The following NKAIN3 variants were observed in gnomAD, a reference collection of about 807,000 sequenced individuals.
NKAIN3 encodes the protein sodium/potassium-transporting ATPase subunit beta-1-interacting protein 3.
In NKAIN3, 25 loss-of-function variants were observed where a neutral mutation model predicts 30.2. The ratio of observed to expected loss-of-function variants is 0.83; its 90% CI spans 0.60 to 1.16. The LOEUF (loss-of-function observed/expected upper bound fraction) is 1.16. Ranked by LOEUF, NKAIN3 falls within the 50% of genes most tolerant of loss-of-function variation. The pLI is 0.00. For missense variants in NKAIN3, 225 were observed against 254.1 expected, an observed-to-expected ratio of 0.89 and a Z score of 0.78; for synonymous variants, 91 against 89.6, an observed-to-expected ratio of 1.02 and a Z score of -0.09.
intron 1 of NKAIN3, among the ~76,000 whole-genome samples, chr8:62,281,488 T>C (rs12681000): frequency 0.5 from 75,828 of 151,986 alleles, 20,868 homozygotes; most frequent in Non-Finnish European, 0.62. Context: ...TTTTAGATCT[T>C]TCCTGCTTTC....
At chr8:62,484,920 C>T (rs1178398377) in intron 1 of NKAIN3, among the ~76,000 whole-genome samples, 1 of 152,186 alleles carries the variant, frequency 6.6e-6, no homozygotes, top group African/African-American at 2.4e-5. Context: ...ATTCACTAGG[C>T]TGTGGACTTA....
chr8:62,894,689 A>G (rs1821382410), intron 4 of NKAIN3, among the ~76,000 whole-genome samples: 2 of 152,192 alleles, frequency 1.3e-5, no homozygotes, highest in Admixed American at 1.3e-4. Flanking sequence ...TTAAGCACAT[A>G]AAAGAGCCCA....
chr8:62,314,613 C>T (rs1338703054), intron 1 of NKAIN3, among the ~76,000 whole-genome samples: 1 of 152,170 alleles, frequency 6.6e-6, no homozygotes, highest in Non-Finnish European at 1.5e-5. Context: ...ACACTTCTCC[C>T]TGCTTGGCAG....
rs755656289 is a variant in NKAIN3 at position 62,746,911 on chromosome 8, T to C, written c.274-21T>C. On this transcript the variant is annotated intron_variant, in intron 3 of 6. Transcript: ENST00000623646. ...GTAATACAATTTCCTCATTTTGCTCTTTTGTCTCCTACCCACCTAGGACAC... is the reference window on the plus strand; with the variant it reads ...GTAATACAATTTCCTCATTTTGCTCCTTTGTCTCCTACCCACCTAGGACAC... 4.5e-6 allele frequency: 7 copies of C among 1,569,750 alleles called. No individual in the cohort carries two copies. The East Asian group carries it at 1.6e-4, about 36-fold the overall frequency.
At chr8:62,908,313 A>G (rs1425872884) in intron 4 of NKAIN3, among the ~76,000 whole-genome samples, 1 of 152,168 alleles carries the variant, frequency 6.6e-6, no homozygotes. Context: ...CATAGGTGGA[A>G]GGGACTTGCT....
intron 5 of NKAIN3, among the ~76,000 whole-genome samples, chr8:62,931,635 C>T (rs937088326): frequency 6.6e-6 from 1 of 152,160 alleles, no homozygotes; most frequent in Non-Finnish European, 1.5e-5. Flanking sequence ...GATTCTATAG[C>T]TTACCACTAA....
intron 4 of NKAIN3, among the ~76,000 whole-genome samples, chr8:62,910,116 A>G (rs1343924498): frequency 6.6e-6 from 1 of 152,158 alleles, no homozygotes; most frequent in African/African-American, 2.4e-5. Context: ...TCTGTCCATC[A>G]AAAGACTTGT....
At chr8:62,464,109 T>C (rs1806080099) in intron 1 of NKAIN3, among the ~76,000 whole-genome samples, 1 of 152,210 alleles carries the variant, frequency 6.6e-6, no homozygotes, top group Non-Finnish European at 1.5e-5. Context: ...TCGACAAATG[T>C]ACCTTGATAT....
chr8:62,431,770 G>C (rs1805006491), intron 1 of NKAIN3, among the ~76,000 whole-genome samples: 1 of 150,984 alleles, frequency 6.6e-6, no homozygotes, highest in African/African-American at 2.4e-5. Flanking sequence ...CTTGTTACCA[G>C]TCGGTAGTAA....
chr8:62,408,277 T>C lies in NKAIN3; in HGVS notation c.54+159150T>C, dbSNP rs73259276. On this transcript the variant is annotated intron_variant, in intron 1 of 6. Coordinates refer to ENST00000623646, the MANE Select transcript of NKAIN3 (RefSeq NM_001304533.3). ...AGAATCTTGATCAACACTTTCAAAATATATTTTTAAAGGCCGTGAAAATTT... is the reference window on the plus strand; with the variant it reads ...AGAATCTTGATCAACACTTTCAAAACATATTTTTAAAGGCCGTGAAAATTT... Among the ~76,000 whole-genome samples the C allele has an allele frequency of 2.2e-3, 338 of 152,274 alleles. 3 individuals carry two copies. The highest frequency in any genetic ancestry group is 7.1e-3 in the African/African-American group (297 of 41,554).
chr8:62,912,745 A>C (rs1391265878), intron 4 of NKAIN3, among the ~76,000 whole-genome samples: 1 of 152,104 alleles, frequency 6.6e-6, no homozygotes, highest in Non-Finnish European at 1.5e-5. Flanking sequence ...CCCCATCTCT[A>C]CTAAAAATAC....
Position 62,951,796 on chromosome 8 carries a change from T to G in NKAIN3, c.533-2106T>G, listed in dbSNP as rs1003628635. Among the ~76,000 whole-genome samples the G allele has an allele frequency of 5.9e-5, 9 of 151,984 alleles. No individual in the cohort carries two copies. In the South Asian group the frequency reaches 1.9e-3, roughly 32 times the overall value. On this transcript the variant is annotated intron_variant, in intron 5 of 6. Coordinates refer to ENST00000623646, the MANE Select transcript of NKAIN3 (RefSeq NM_001304533.3). ...GCCTTTATTTTATTTCATTTTTTAT[T>G]TATTTTATTTTTATTATTTTTGGAA...
rs554880370 is a variant in NKAIN3 at position 62,849,985 on chromosome 8, G to GGGTGAAAT, written c.472-68464_472-68457dup. 2.8e-3 allele frequency among the ~76,000 whole-genome samples: 432 copies of GGGTGAAAT among 152,148 alleles called. 4 individuals carry two copies. The highest frequency in any genetic ancestry group is 9.4e-3 in the African/African-American group (389 of 41,510). On this transcript the variant is annotated intron_variant, in intron 4 of 6. Coordinates refer to ENST00000623646, the MANE Select transcript of NKAIN3 (RefSeq NM_001304533.3). ...GTATATACCCAGTAATGCGATAGCT[G>GGGTGAAAT]GGTGAAATGGTTTTTCTAGTTCTAG...
chr8:62,923,064 A>G (rs1465074433), intron 5 of NKAIN3, among the ~76,000 whole-genome samples: 1 of 152,220 alleles, frequency 6.6e-6, no homozygotes, highest in Non-Finnish European at 1.5e-5. Context: ...TGCAAGGCTG[A>G]AGCAGGCAAA....
chr8:62,834,083 G>T (rs1586248803), intron 4 of NKAIN3, among the ~76,000 whole-genome samples: 2 of 151,972 alleles, frequency 1.3e-5, no homozygotes. Context: ...ATCAAATGAT[G>T]ATCTCAATAG....
chr8:62,615,789 C>G (rs1337196210), intron 3 of NKAIN3, among the ~76,000 whole-genome samples: 2 of 152,082 alleles, frequency 1.3e-5, no homozygotes, highest in Non-Finnish European at 2.9e-5. Flanking sequence ...GCTGTGTTGT[C>G]ACTCCCCCAG....
At position 62,977,903 on chromosome 8, in the gene NKAIN3, T is replaced by C. The variant is rs940611788; in HGVS notation, c.*12496T>C. 6.6e-6 allele frequency: 1 copy of C among 152,228 alleles called. No individual in the cohort carries two copies. The highest frequency in any genetic ancestry group is 2.1e-4 in the South Asian group (1 of 4,832). 9.4% of individuals were successfully genotyped at this position (152,228 alleles called of 1,614,324 possible). On this transcript the variant is annotated 3_prime_UTR_variant, in exon 7 of 7. Coordinates refer to ENST00000623646, the MANE Select transcript of NKAIN3 (RefSeq NM_001304533.3). ...ACCTTTGGAAGGAGTGTTTACATGG[T>C]CATGCTCTTTGTTGATGTTGATGCT...
At chr8:62,798,489 G>A (rs1013641139) in intron 4 of NKAIN3, among the ~76,000 whole-genome samples, 2 of 151,892 alleles carry the variant, frequency 1.3e-5, no homozygotes, top group Admixed American at 6.6e-5. Flanking sequence ...GGAGAATGGT[G>A]TGAACCCAGG....
chr8:62,514,405 G>C (rs936443255), intron 1 of NKAIN3, among the ~76,000 whole-genome samples: 3 of 152,016 alleles, frequency 2.0e-5, no homozygotes, highest in African/African-American at 7.2e-5. Context: ...ATAAATAGAT[G>C]AAATTATATA....
Sources: gnomAD v4.1 joint callset for allele counts (sites outside exome capture counted in the v4.1 genomes callset) on GRCh38, gnomAD v4.1.1 for gene constraint, MANE v1.5 for transcripts, NCBI Gene and HGNC (gene_info 2026-07-23, HGNC 2026-07-21) for gene names.